GPR15LG: variants seen among roughly 807,000 people sequenced by gnomAD.
GPR15LG encodes the protein protein GPR15LG.
At chr10:84,182,214 T>C in the GPR15LG span, among the ~76,000 whole-genome samples, 1 of 152,112 alleles carries the variant, frequency 6.6e-6, no homozygotes, top group African/African-American at 2.4e-5. Flanking sequence ...GCCCAGAAAA[T>C]AGACCCTGGA....
chr10:84,175,573 C>T, the GPR15LG span, among the ~76,000 whole-genome samples: 21 of 152,358 alleles, frequency 1.4e-4, no homozygotes, highest in African/African-American at 4.6e-4. Context: ...GGCATGACCA[C>T]GGCTCAGTGC....
the GPR15LG span, among the ~76,000 whole-genome samples, chr10:84,184,501 G>A: frequency 9.6e-4 from 146 of 152,366 alleles, no homozygotes; most frequent in African/African-American, 3.4e-3. Flanking sequence ...TGTTTGCCAC[G>A]AAAAGCCCCT....
the GPR15LG span, chr10:84,176,688 A>C: frequency 1.5e-6 from 1 of 667,918 alleles, no homozygotes; most frequent in South Asian, 1.9e-5. Flanking sequence ...CTGGGAGGAC[A>C]TCTTTGTTTT....
the GPR15LG span, chr10:84,184,620 T>G: frequency 3.3e-5 from 51 of 1,540,416 alleles, no homozygotes; most frequent in Non-Finnish European, 4.4e-5. Context: ...CCCCACAACC[T>G]GGCTCTGACC....
the GPR15LG span, chr10:84,176,544 T>C: frequency 1.2e-6 from 2 of 1,613,822 alleles, no homozygotes; most frequent in South Asian, 1.1e-5. Context: ...ACCGAGTCCC[T>C]AGCCCCAACT....
At chr10:84,184,928 C>A in the GPR15LG span, 1 of 1,472,852 alleles carries the variant, frequency 6.8e-7, no homozygotes, top group African/African-American at 1.4e-5. Context: ...CAGAACTCCA[C>A]GTCCTTGTCT....
At chr10:84,180,662 G>A in the GPR15LG span, among the ~76,000 whole-genome samples, 2 of 151,902 alleles carry the variant, frequency 1.3e-5, no homozygotes, top group Non-Finnish European at 2.9e-5. Flanking sequence ...AGGCAGAGAC[G>A]TTCCTCACTT....
the GPR15LG span, among the ~76,000 whole-genome samples, chr10:84,181,914 C>G: frequency 6.6e-6 from 1 of 152,326 alleles, no homozygotes; most frequent in African/African-American, 2.4e-5. Flanking sequence ...TTCTACGCAT[C>G]CTGGGGCCAC....
the GPR15LG span, among the ~76,000 whole-genome samples, chr10:84,176,232 T>C: frequency 6.6e-6 from 1 of 152,236 alleles, no homozygotes; most frequent in Admixed American, 6.5e-5. Context: ...AGAATTATTA[T>C]GTCAAAGAAA....
chr10:84,175,313 T>C, the GPR15LG span, among the ~76,000 whole-genome samples: 2 of 152,288 alleles, frequency 1.3e-5, no homozygotes, highest in South Asian at 2.1e-4. Flanking sequence ...ATGTTGGAGG[T>C]TGCCAGTGAT....
At chr10:84,176,567 AAGG>A in the GPR15LG span, 1 of 1,612,602 alleles carries the variant, frequency 6.2e-7, no homozygotes, top group Non-Finnish European at 8.5e-7. Flanking sequence ...ACAAACCTGA[AAGG>A]TAAGTACCCC....
chr10:84,181,316 A>T, the GPR15LG span, among the ~76,000 whole-genome samples: 1 of 151,144 alleles, frequency 6.6e-6, no homozygotes, highest in South Asian at 2.1e-4. Context: ...TGACCTCGTG[A>T]TCCACCCACC....
chr10:84,179,847 TA>T, the GPR15LG span, among the ~76,000 whole-genome samples: 1 of 150,878 alleles, frequency 6.6e-6, no homozygotes, highest in South Asian at 2.1e-4. Flanking sequence ...TTGCTGAATT[TA>T]TTACATTTAC....
At chr10:84,182,800 AC>A in the GPR15LG span, among the ~76,000 whole-genome samples, 195 of 152,290 alleles carry the variant, frequency 1.3e-3, 3 homozygotes, top group East Asian at 0.02. Context: ...CATATTTGCA[AC>A]CAGTCAACCA....
At chr10:84,182,301 C>A in the GPR15LG span, among the ~76,000 whole-genome samples, 1 of 152,230 alleles carries the variant, frequency 6.6e-6, no homozygotes, top group East Asian at 1.9e-4. Flanking sequence ...CATGGTCTTG[C>A]TCCTTGTGAT....
the GPR15LG span, chr10:84,173,890 G>A: frequency 2.5e-6 from 4 of 1,613,696 alleles, no homozygotes; most frequent in Non-Finnish European, 3.4e-6. Context: ...TCTGTATCCT[G>A]CTTCTCTGCT....
the GPR15LG span, among the ~76,000 whole-genome samples, chr10:84,181,661 C>A: frequency 6.6e-6 from 1 of 152,148 alleles, no homozygotes; most frequent in South Asian, 2.1e-4. Flanking sequence ...CCTCAAGCAA[C>A]CCTCCTGCCT....
At chr10:84,181,077 A>G in the GPR15LG span, among the ~76,000 whole-genome samples, 1 of 151,820 alleles carries the variant, frequency 6.6e-6, no homozygotes, top group Non-Finnish European at 1.5e-5. Context: ...GAGACCGTGC[A>G]AAGAGGAGGG....
chr10:84,176,723 C>A, the GPR15LG span, among the ~76,000 whole-genome samples: 5 of 152,170 alleles, frequency 3.3e-5, no homozygotes, highest in Admixed American at 2.6e-4. Flanking sequence ...TGACTCCCCC[C>A]CAAAAGTCAA....
Sources: gnomAD v4.1 joint callset for allele counts (sites outside exome capture counted in the v4.1 genomes callset) on GRCh38, gnomAD v4.1.1 for gene constraint, MANE v1.5 for transcripts, NCBI Gene and HGNC (gene_info 2026-07-23, HGNC 2026-07-21) for gene names.